The following RARS2 variants were observed in gnomAD, a reference collection of about 807,000 sequenced individuals.
The protein encoded by RARS2 is arginyl-tRNA synthetase 2, mitochondrial.
Under a neutral mutation model 88.5 loss-of-function variants are expected in RARS2, and 67 were observed. The ratio of observed to expected loss-of-function variants is 0.76; its 90% CI spans 0.62 to 0.93. The LOEUF (loss-of-function observed/expected upper bound fraction) is 0.93, where lower values mean the gene tolerates loss of function less well. Among genes scored for constraint, RARS2 ranks in the 40% least tolerant of loss-of-function variants. The pLI, the probability that RARS2 is intolerant of heterozygous loss-of-function variation, is 0.00. For synonymous variants in RARS2, 239 were observed against 230.3 expected (o/e 1.04, Z -0.34); for missense variants, 664 against 684.2 (o/e 0.97, Z 0.33).
At chr6:87,527,619 C>T (rs1430457054) in intron 10 of RARS2, among the ~76,000 whole-genome samples, 1 of 151,894 alleles carries the variant, frequency 6.6e-6, no homozygotes, top group Non-Finnish European at 1.5e-5. Flanking sequence ...GAAGAGACAA[C>T]CTAGAGGATT....
In RARS2 at chr6:87,518,196, G is replaced by C; in HGVS notation, c.1484C>G (p.Ser495Cys). 6.2e-7 allele frequency: 1 copy of C among 1,614,158 alleles called. No homozygotes were observed. The highest frequency in any genetic ancestry group is 8.5e-7 in the Non-Finnish European group (1 of 1,180,026). ...FNTACLQEPQ[S>C]VSILQHLLRF... The stretch of plus-strand genomic sequence containing the variant: ...GAGAAGATGCTGAAGAATTGAAACA[G>C]ACTGTGGCTCTTGTAAACAAGCAGT... The change falls in exon 17 of 20, where the codon TCT becomes TGT. Residue 495 changes from serine (S) to cysteine (C), a missense_variant. Transcript: ENST00000369536.
intron 6 of RARS2, among the ~76,000 whole-genome samples, chr6:87,546,690 C>A (rs1782713172): frequency 6.6e-6 from 1 of 152,166 alleles, no homozygotes; most frequent in African/African-American, 2.4e-5. Context: ...TGCAGCCCTC[C>A]AACAACTTTG....
chr6:87,549,403 T>A (rs1424778034), intron 5 of RARS2, among the ~76,000 whole-genome samples: 5 of 151,060 alleles, frequency 3.3e-5, no homozygotes, highest in African/African-American at 4.9e-5. Context: ...ATAAATAAAT[T>A]AGTCAGGTGT....
intron 18 of RARS2, 130 bp from the exon 19 acceptor site, chr6:87,515,150 G>T: frequency 1.3e-6 from 1 of 783,668 alleles, no homozygotes; most frequent in Non-Finnish European, 2.2e-6. Flanking sequence ...ATTCAAAATT[G>T]TGAAGTTGAA....
intron 1 of RARS2, among the ~76,000 whole-genome samples, chr6:87,573,555 G>A (rs918208082): frequency 6.6e-6 from 1 of 152,166 alleles, no homozygotes; most frequent in Non-Finnish European, 1.5e-5. Context: ...TTTTAGTTGT[G>A]CAAGATGAAA....
chr6:87,559,625 G>A (rs1787219942), intron 4 of RARS2, among the ~76,000 whole-genome samples: 1 of 152,086 alleles, frequency 6.6e-6, no homozygotes, highest in African/African-American at 2.4e-5. Context: ...TCAAAGTGCT[G>A]GAATTACAGG....
chr6:87,538,590 A>C (rs181551775), intron 8 of RARS2, among the ~76,000 whole-genome samples: 182 of 152,294 alleles, frequency 1.2e-3, no homozygotes, highest in African/African-American at 4.0e-3. Flanking sequence ...CCACAAAAAA[A>C]CCCACAAAAC....
chr6:87,575,271 A>AC (rs1442657179), intron 1 of RARS2, among the ~76,000 whole-genome samples: 14 of 139,458 alleles, frequency 1.0e-4, no homozygotes, highest in African/African-American at 4.1e-4. Flanking sequence ...ACACACACAC[A>AC]CACACACCTT....
At chr6:87,519,220 A>ATATATATC (rs1772986460) in intron 14 of RARS2, 2 of 239,012 alleles carry the variant, frequency 8.4e-6, no homozygotes, top group African/African-American at 5.6e-5. Context: ...ATATATATAT[A>ATATATATC]TCTATATATA....
chr6:87,560,823 G>A (rs909121297), intron 4 of RARS2, among the ~76,000 whole-genome samples: 9 of 152,196 alleles, frequency 5.9e-5, no homozygotes, highest in Non-Finnish European at 1.0e-4. Context: ...GGGAGGTGGA[G>A]GTTACGGTAA....
chr6:87,543,658 A>C lies in RARS2; in HGVS notation c.536-1664T>G, dbSNP rs559319950. Among the ~76,000 whole-genome samples, 7 of 152,198 alleles carry C rather than the reference A, an allele frequency of 4.6e-5. No homozygotes were observed. In the East Asian group the frequency reaches 1.2e-3, roughly 25 times the overall value. On this transcript the variant is annotated intron_variant, in intron 7 of 19. Transcript: ENST00000369536. ...TCCATCTCAGAAAGAAAAAAAAAAA[A>C]CAATTTATTTCTATATCAATTACCA...
At chr6:87,518,766 G>C in intron 15 of RARS2, 27 bp from the exon 16 acceptor site, 1 of 1,611,794 alleles carries the variant, frequency 6.2e-7, no homozygotes, top group Non-Finnish European at 8.5e-7. Context: ...AATCTTCACT[G>C]CTGGGATTTG....
At chr6:87,553,270 C>T (rs1784885601) in intron 5 of RARS2, among the ~76,000 whole-genome samples, 1 of 152,002 alleles carries the variant, frequency 6.6e-6, no homozygotes, top group Admixed American at 6.6e-5. Context: ...ATTTGTAGCC[C>T]CACTAGTCTC....
At chr6:87,562,515 A>C (rs1461105854) in intron 4 of RARS2, among the ~76,000 whole-genome samples, 187 bp downstream of exon 4, 2 of 152,204 alleles carry the variant, frequency 1.3e-5, no homozygotes, top group Non-Finnish European at 2.9e-5. Context: ...GCTACTGCCA[A>C]AGAAATATCA....
At chr6:87,545,345 A>G (rs1167243435) in intron 7 of RARS2, among the ~76,000 whole-genome samples, 3 of 152,204 alleles carry the variant, frequency 2.0e-5, no homozygotes. Flanking sequence ...TGGCCTCCCA[A>G]AGTGTTGGCA....
At chr6:87,555,082 G>T (rs984806588) in intron 5 of RARS2, among the ~76,000 whole-genome samples, 1 of 150,598 alleles carries the variant, frequency 6.6e-6, no homozygotes, top group Non-Finnish European at 1.5e-5. Context: ...CTGGGCGACA[G>T]AGTGAGACTC....
intron 2 of RARS2, among the ~76,000 whole-genome samples, chr6:87,568,103 A>C (rs905497984): frequency 6.6e-6 from 1 of 152,190 alleles, no homozygotes; most frequent in Non-Finnish European, 1.5e-5. Context: ...TAAAGTTAAT[A>C]CCTCAGATTG....
Position 87,548,605 on chromosome 6 carries a change from C to G in RARS2, c.437G>C (p.Arg146Pro). Residue 146 changes from arginine (R) to proline (P), a missense_variant, in exon 6 of 20, where the codon CGT becomes CCT. Physicochemically the swap from Arg to Pro is moderately radical, Grantham distance 103. Coordinates refer to ENST00000369536, the MANE Select transcript of RARS2 (RefSeq NM_020320.5). ...TAAACACTTACCTATGATGGTAGAA[C>G]GCAAATGTCCAACATGAAATTTTTT... is the stretch of plus-strand genomic sequence containing the variant. ...VAKKFHVGHL[R>P]STIIGNFIAN... The G allele has an allele frequency of 6.2e-7, 1 of 1,612,924 alleles. No homozygotes were observed.
At chr6:87,564,005 T>C in intron 3 of RARS2, 125 bp downstream of exon 3, 4 of 749,112 alleles carry the variant, frequency 5.3e-6, no homozygotes, top group South Asian at 1.5e-5. Context: ...ATTTAAATTA[T>C]ATTACACAAG....
Sources: allele counts gnomAD v4.1 joint callset (sites outside exome capture counted in the v4.1 genomes callset), GRCh38; gene constraint gnomAD v4.1.1; transcripts MANE v1.5; gene names NCBI Gene and HGNC (gene_info 2026-07-23, HGNC 2026-07-21).